Variants in GPR158 observed in about 807,000 individuals in gnomAD.
GPR158 encodes the protein G protein-coupled receptor 158.
Under a neutral mutation model 78.2 loss-of-function variants are expected in GPR158, and 30 were observed. The ratio of observed to expected loss-of-function variants is 0.38; its 90% CI spans 0.29 to 0.52. The LOEUF is 0.52. GPR158 is among the 20% of genes least tolerant of loss of function. The probability of loss-of-function intolerance (pLI) is 0.83; values close to 1 mark genes in which losing one functional copy is unlikely to be tolerated. For missense variants in GPR158, 1,463 were observed against 1,523.5 expected, an observed-to-expected ratio of 0.96 and a Z score of 0.66; for synonymous variants, 581 against 591.1, an observed-to-expected ratio of 0.98 and a Z score of 0.25.
chr10:25,598,986 GC>G lies in GPR158; in HGVS notation c.3366del (p.Ala1124LeufsTer2). On this transcript the variant is annotated frameshift_variant, in exon 11 of 11. Transcript: ENST00000376351. LOFTEE classifies it low-confidence loss of function (END_TRUNC). The stretch of plus-strand genomic sequence containing the variant: ...TGTGTGCTGGGCAGAGCGAAGAACT[GC>G]CCCCCAAAGCTGTAGCATCAAAAAC... ...NVCAGQSEELPPKAVASKTEN... is the reference protein window; with the variant it reads ...NVCAGQSEELXPKAVASKTEN... 1 of 1,614,136 alleles carries G rather than the reference GC, an allele frequency of 6.2e-7. No individual in the cohort carries two copies. The highest frequency in any genetic ancestry group is 8.5e-7 in the Non-Finnish European group (1 of 1,180,020).
chr10:25,199,130 G>GTT (rs200104630), intron 1 of GPR158, among the ~76,000 whole-genome samples: 3 of 144,566 alleles, frequency 2.1e-5, no homozygotes, highest in African/African-American at 5.1e-5. Context: ...TAAAGTTTTT[G>GTT]TTTTTTTTTT....
chr10:25,549,025 T>C (rs1393420784), intron 5 of GPR158, among the ~76,000 whole-genome samples: 4 of 152,200 alleles, frequency 2.6e-5, no homozygotes, highest in Admixed American at 6.5e-5. Context: ...TGCTCATTCA[T>C]TACCTAGAGA....
chr10:25,310,771 A>C (rs1854752684), intron 2 of GPR158, among the ~76,000 whole-genome samples: 1 of 151,714 alleles, frequency 6.6e-6, no homozygotes, highest in Non-Finnish European at 1.5e-5. Context: ...TTGGATTTTG[A>C]GTCATAGTTA....
intron 2 of GPR158, among the ~76,000 whole-genome samples, chr10:25,362,853 CT>C (rs1855660736): frequency 1.3e-5 from 2 of 151,818 alleles, no homozygotes; most frequent in Admixed American, 1.3e-4. Context: ...TGTTAATTGA[CT>C]TTCCTTGTCT....
At chr10:25,336,616 A>T (rs756693616) in intron 2 of GPR158, among the ~76,000 whole-genome samples, 7 of 152,004 alleles carry the variant, frequency 4.6e-5, no homozygotes, top group Non-Finnish European at 1.0e-4. Flanking sequence ...AAGTCTGCTG[A>T]AGGGATTGGG....
Position 25,244,101 on chromosome 10 carries a change from A to C in GPR158, c.1008+22944A>C, listed in dbSNP as rs1184346894. 3 of 152,082 alleles carry C rather than the reference A, an allele frequency of 2.0e-5. No individual in the cohort carries two copies. In the East Asian group the frequency reaches 5.8e-4, roughly 29 times the overall value. 9.4% of individuals were successfully genotyped at this position (152,082 alleles called of 1,614,324 possible). ...ACTTAGAACAAGAGTCATCTTTTCT[A>C]TACACATGTTTATAGGCATCTCATT... On this transcript the variant is annotated intron_variant, in intron 2 of 10. Transcript: ENST00000376351.
intron 4 of GPR158, among the ~76,000 whole-genome samples, chr10:25,431,467 T>C (rs1213595799): frequency 7.1e-6 from 1 of 141,328 alleles, no homozygotes; most frequent in Non-Finnish European, 1.6e-5. Context: ...CTCAGGGATC[T>C]AGAGCTAGAA....
chr10:25,312,973 GA>G (rs1471607583), intron 2 of GPR158, among the ~76,000 whole-genome samples: 1 of 151,946 alleles, frequency 6.6e-6, no homozygotes, highest in African/African-American at 2.4e-5. Context: ...ATTATTGGAG[GA>G]AAAGTTTTGG....
At chr10:25,454,739 G>A (rs1483474386) in intron 4 of GPR158, among the ~76,000 whole-genome samples, 1 of 152,140 alleles carries the variant, frequency 6.6e-6, no homozygotes, top group Non-Finnish European at 1.5e-5. Flanking sequence ...TAAACAGATA[G>A]TTTTTTCTAC....
chr10:25,545,191 G>A (rs774823180), intron 5 of GPR158, among the ~76,000 whole-genome samples: 2 of 152,178 alleles, frequency 1.3e-5, no homozygotes, highest in Non-Finnish European at 2.9e-5. Context: ...CTTTATAGTA[G>A]AATGTTTTAT....
intron 4 of GPR158, among the ~76,000 whole-genome samples, chr10:25,426,019 A>C (rs1373378633): frequency 6.6e-6 from 1 of 152,050 alleles, no homozygotes; most frequent in Non-Finnish European, 1.5e-5. Flanking sequence ...TTATCTGTGA[A>C]GGTATGGGGG....
rs552417627 is a variant in GPR158, at chr10:25,311,037, C to T, written c.1009-84874C>T. On this transcript the variant is annotated intron_variant, in intron 2 of 10. Coordinates refer to ENST00000376351, the MANE Select transcript of GPR158 (RefSeq NM_020752.3). ...GAAATTCTATTTTGGGTTTACTTCT[C>T]TTTTGTTCCTCAGTCTCTTATTCAT... 1.4e-4 allele frequency among the ~76,000 whole-genome samples: 22 copies of T among 152,096 alleles called. No homozygotes were observed. The South Asian group carries it at 4.1e-3, about 29-fold the overall frequency.
intron 2 of GPR158, among the ~76,000 whole-genome samples, chr10:25,386,282 A>G (rs1834220356): frequency 2.0e-5 from 3 of 152,118 alleles, no homozygotes; most frequent in Admixed American, 1.3e-4. Flanking sequence ...TGGGCTGTCT[A>G]TTCCATTTGT....
At chr10:25,282,285 C>T (rs1854286783) in intron 2 of GPR158, among the ~76,000 whole-genome samples, 1 of 152,114 alleles carries the variant, frequency 6.6e-6, no homozygotes, top group Admixed American at 6.6e-5. Context: ...GATATTCATT[C>T]ATATTGTTGT....
intron 2 of GPR158, among the ~76,000 whole-genome samples, chr10:25,386,011 A>T (rs1588839044): frequency 6.6e-6 from 1 of 152,194 alleles, no homozygotes; most frequent in African/African-American, 2.4e-5. Context: ...TGTGGATTTG[A>T]TGTCATATCC....
At position 25,582,516 on chromosome 10, in the gene GPR158, C is replaced by T. The variant is rs984692568; in HGVS notation, c.1754-6491C>T. ...AACAGAAGCAATGAAGAAAAGCCAG[C>T]CTGTAAATGTGTGGCCATTCCGACA... On this transcript the variant is annotated intron_variant, in intron 7 of 10. Transcript: ENST00000376351. Among the ~76,000 whole-genome samples, 3 of 152,328 alleles carry T rather than the reference C, an allele frequency of 2.0e-5. No individual in the cohort carries two copies. In the East Asian group the frequency reaches 5.8e-4, roughly 29 times the overall value.
At position 25,597,943 on chromosome 10, in the gene GPR158, G is replaced by A. The variant is rs749643566; in HGVS notation, c.2317G>A (p.Asp773Asn). The A allele has an allele frequency of 2.5e-5, 41 of 1,613,766 alleles. No individual in the cohort carries two copies. The highest frequency in any genetic ancestry group is 3.2e-5 in the Non-Finnish European group (38 of 1,179,898). The change falls in exon 11 of 11, where the codon GAC becomes AAC. Residue 773 changes from aspartate to asparagine, a missense_variant. Asp to Asn is a conservative substitution (Grantham distance 23). Transcript: ENST00000376351. ...ETVSRQCSKE[D>N]KEGADHGTAK... ...AGTCAGCCGGCAGTGCTCTAAAGAG[G>A]ACAAGGAGGGCGCCGACCATGGCAC...
intron 5 of GPR158, among the ~76,000 whole-genome samples, chr10:25,532,877 G>A (rs1836445318): frequency 6.6e-6 from 1 of 152,106 alleles, no homozygotes; most frequent in African/African-American, 2.4e-5. Flanking sequence ...TCCTTTTGAT[G>A]TAGATACAAA....
At chr10:25,239,583 G>A (rs1380407491) in intron 2 of GPR158, among the ~76,000 whole-genome samples, 1 of 149,108 alleles carries the variant, frequency 6.7e-6, no homozygotes, top group African/African-American at 2.5e-5. Flanking sequence ...ACTTCAGCTT[G>A]GGTGACAGAG....
Sources: allele counts gnomAD v4.1 joint callset (sites outside exome capture counted in the v4.1 genomes callset), GRCh38; gene constraint gnomAD v4.1.1; transcripts MANE v1.5; gene names NCBI Gene and HGNC (gene_info 2026-07-23, HGNC 2026-07-21).